Variants in LMBR1 observed in about 807,000 individuals in gnomAD.
The protein encoded by LMBR1 is limb development membrane protein 1.
Under a neutral mutation model 73.9 loss-of-function variants are expected in LMBR1, and 52 were observed. That is an observed-to-expected ratio of 0.70 (90% CI 0.56 to 0.89). The LOEUF is 0.89. Ranked by LOEUF, LMBR1 falls within the 40% of genes least tolerant of loss-of-function variation. LMBR1 has a pLI of 0.00. For synonymous variants in LMBR1, 215 were observed against 209.4 expected (o/e 1.03, Z -0.23); for missense variants, 539 against 579.8 (o/e 0.93, Z 0.72).
Position 156,684,103 on chromosome 7 carries a change from A to G in LMBR1, c.1448T>C (p.Val483Ala). ...SRDSETAKPSVNGHQKAL is the reference protein window; with the variant it reads ...SRDSETAKPSANGHQKAL ...TCACAGTGCTTTCTGATGCCCATTT[A>G]CAGAAGGCTTGGCTGTTTCTGAATC... Residue 483 changes from valine to alanine, a missense_variant, in exon 17 of 17, where the codon GTA becomes GCA. Val to Ala is a moderately conservative substitution (Grantham distance 64). This residue lies in a region of LMBR1 where 69 missense variants were observed against 68.5 expected (regional missense o/e 1.01). Transcript: ENST00000353442. 6.2e-7 allele frequency: 1 copy of G among 1,614,122 alleles called. No individual in the cohort carries two copies. The highest frequency in any genetic ancestry group is 1.3e-5 in the African/African-American group (1 of 75,056).
At chr7:156,711,606 A>C (rs1041667584) in intron 15 of LMBR1, among the ~76,000 whole-genome samples, 1 of 152,176 alleles carries the variant, frequency 6.6e-6, no homozygotes, top group Non-Finnish European at 1.5e-5. Context: ...CAAATTATAC[A>C]ACAAGGATAC....
intron 1 of LMBR1, among the ~76,000 whole-genome samples, chr7:156,873,651 C>T (rs1307905356): frequency 1.3e-5 from 2 of 152,080 alleles, no homozygotes; most frequent in Admixed American, 6.5e-5. Context: ...TACAGAGTTT[C>T]CACACACAGG....
intron 15 of LMBR1, among the ~76,000 whole-genome samples, chr7:156,716,077 A>C (rs539319088): frequency 1.3e-5 from 2 of 152,338 alleles, no homozygotes; most frequent in South Asian, 4.1e-4. Flanking sequence ...GATGCTGTGA[A>C]AAATAAAAAG....
chr7:156,841,223 G>A (rs73166201), intron 1 of LMBR1, among the ~76,000 whole-genome samples: 5,402 of 152,186 alleles, frequency 0.035, 161 homozygotes, highest in Non-Finnish European at 0.046. Flanking sequence ...AAGATTAGAA[G>A]AGGAGTAGTT....
chr7:156,838,075 A>T (rs551499216), intron 1 of LMBR1, among the ~76,000 whole-genome samples: 1 of 152,332 alleles, frequency 6.6e-6, no homozygotes, highest in African/African-American at 2.4e-5. Flanking sequence ...GGCATGGGCC[A>T]CTGCAACCAG....
At chr7:156,813,416 T>C (rs543921011) in intron 4 of LMBR1, among the ~76,000 whole-genome samples, 2 of 152,364 alleles carry the variant, frequency 1.3e-5, no homozygotes, top group South Asian at 4.1e-4. Context: ...TACTTATTGA[T>C]ATCCTTGCCC....
intron 1 of LMBR1, among the ~76,000 whole-genome samples, chr7:156,856,101 AGGAGAATGGCGT>A (rs1417574610): frequency 8.1e-6 from 1 of 123,386 alleles, no homozygotes; most frequent in African/African-American, 3.2e-5. Context: ...AGGCTGAGGC[AGGAGAATGGCGT>A]GAACCTGGGA....
intron 1 of LMBR1, among the ~76,000 whole-genome samples, chr7:156,871,900 A>T (rs1799346915): frequency 6.6e-6 from 1 of 152,248 alleles, no homozygotes; most frequent in Admixed American, 6.5e-5. Context: ...GTCCACTCTT[A>T]CTTACTTTTA....
At chr7:156,876,992 G>T (rs1586410139) in intron 1 of LMBR1, among the ~76,000 whole-genome samples, 1 of 151,566 alleles carries the variant, frequency 6.6e-6, no homozygotes, top group South Asian at 2.1e-4. Flanking sequence ...AAATGAAACT[G>T]AAACAAACAA....
At chr7:156,873,488 C>T (rs528023519) in intron 1 of LMBR1, among the ~76,000 whole-genome samples, 3 of 152,032 alleles carry the variant, frequency 2.0e-5, no homozygotes, top group African/African-American at 4.8e-5. Context: ...AATGCTGGCT[C>T]GGGCAGCCTG....
rs1404865664 is a variant in LMBR1 at position 156,691,821 on chromosome 7, G to A, written c.1226-3630C>T. On this transcript the variant is annotated intron_variant, in intron 15 of 16. Coordinates refer to ENST00000353442, the MANE Select transcript of LMBR1 (RefSeq NM_022458.4). The stretch of plus-strand genomic sequence containing the variant: ...TACTTTTTTCCTTCTGAACTCAAAG[G>A]TTAGATTATTAGACTATGTTTTCAA... Among the ~76,000 whole-genome samples, 5 of 152,004 alleles carry A rather than the reference G, an allele frequency of 3.3e-5. No homozygotes were observed. The South Asian group carries it at 8.3e-4, about 25-fold the overall frequency.
rs140642072 is a variant in LMBR1, at chr7:156,830,698, A to G, written c.179+3055T>C. On this transcript the variant is annotated intron_variant, in intron 3 of 16. Coordinates refer to ENST00000353442, the MANE Select transcript of LMBR1 (RefSeq NM_022458.4). Reference sequence around the variant, plus strand: ...TCAATAAACATTTGCTGCATGAATTAGGCTTCCTAATACGTCACTCTAAAC... The same window carrying G: ...TCAATAAACATTTGCTGCATGAATTGGGCTTCCTAATACGTCACTCTAAAC... Among the ~76,000 whole-genome samples, 23 of 152,348 alleles carry G rather than the reference A, an allele frequency of 1.5e-4. No individual in the cohort carries two copies. In the East Asian group the frequency reaches 4.2e-3, roughly 28 times the overall value.
intron 9 of LMBR1, among the ~76,000 whole-genome samples, chr7:156,751,928 G>C (rs538383243): frequency 3.3e-5 from 5 of 152,122 alleles, no homozygotes; most frequent in Admixed American, 1.3e-4. Flanking sequence ...AGTAGAGGTC[G>C]CAGCTTATAG....
At chr7:156,885,511 A>G in intron 1 of LMBR1, among the ~76,000 whole-genome samples, 1 of 151,558 alleles carries the variant, frequency 6.6e-6, no homozygotes, top group Non-Finnish European at 1.5e-5. Flanking sequence ...GCACTTTGGG[A>G]AGCTGAGGCA....
At chr7:156,806,076 T>C (rs536892454) in intron 4 of LMBR1, among the ~76,000 whole-genome samples, 132 of 152,262 alleles carry the variant, frequency 8.7e-4, no homozygotes, top group Non-Finnish European at 1.6e-3. Context: ...ACCCAGTCTA[T>C]GGTATTGTTA....
intron 5 of LMBR1, among the ~76,000 whole-genome samples, chr7:156,786,105 GGGAGGGAAGGAGGGAGGCTGTGAA>G (rs1828027128): frequency 6.6e-6 from 1 of 151,630 alleles, no homozygotes; most frequent in Non-Finnish European, 1.5e-5. Flanking sequence ...GAGGCAGGGA[GGGAGGGAAGGAGGGAGGCTGTGAA>G]GGAGGGAAAG....
intron 1 of LMBR1, among the ~76,000 whole-genome samples, chr7:156,863,341 A>AT (rs543539443): frequency 2.1e-3 from 300 of 146,038 alleles, no homozygotes; most frequent in South Asian, 3.4e-3. Context: ...GTCTTTTCAC[A>AT]TTTTTTTTTT....
Position 156,806,598 on chromosome 7 carries a change from C to CTTT in LMBR1, c.320-10109_320-10107dup, listed in dbSNP as rs71189962. ...GTTATCAGTAGGTTTTTTGTAGATG[C>CTTT]TTTTTTTTTTTTTTTTTTTTTTTTT... On this transcript the variant is annotated intron_variant, in intron 4 of 16. Transcript: ENST00000353442. 6.0e-4 allele frequency among the ~76,000 whole-genome samples: 27 copies of CTTT among 44,674 alleles called. 2 individuals carry two copies. Among genetic ancestry groups the CTTT allele is most frequent in the African/African-American group, 1.1e-3 (11 of 9,874 alleles). The allele number at this position is 44,674 out of a possible 152,430, so 29.3% of individuals were successfully genotyped here. A position where few individuals can be genotyped will look rare whatever the true frequency, so the allele number is the denominator to read the frequency against.
chr7:156,745,915 T>C (rs754722499), intron 9 of LMBR1, among the ~76,000 whole-genome samples: 15 of 152,216 alleles, frequency 9.9e-5, no homozygotes, highest in Admixed American at 9.2e-4. Flanking sequence ...AATTGATATA[T>C]TTATGAGAGG....
Sources: allele counts gnomAD v4.1 joint callset (sites outside exome capture counted in the v4.1 genomes callset), GRCh38; gene constraint gnomAD v4.1.1; regional missense constraint gnomAD v4.1.1; transcripts MANE v1.5; gene names NCBI Gene and HGNC (gene_info 2026-07-23, HGNC 2026-07-21).